The following B4GALNT3 variants were observed in gnomAD, a reference collection of about 807,000 sequenced individuals.
B4GALNT3 encodes the protein beta-1,4-N-acetylgalactosaminyltransferase 3.
Under a neutral mutation model 120.2 loss-of-function variants are expected in B4GALNT3, and 86 were observed. The ratio of observed to expected loss-of-function variants is 0.72; its 90% CI spans 0.60 to 0.86. B4GALNT3 has a LOEUF of 0.86. Among genes scored for constraint, B4GALNT3 ranks in the 40% least tolerant of loss-of-function variants. The pLI is 0.00. For synonymous variants in B4GALNT3, 518 were observed against 510.4 expected, an observed-to-expected ratio of 1.01 and a Z score of -0.20; for missense variants, 1,167 against 1,298.9, an observed-to-expected ratio of 0.90 and a Z score of 1.56.
intron 1 of B4GALNT3, among the ~76,000 whole-genome samples, chr12:532,253 C>T (rs1946815995): frequency 6.6e-6 from 1 of 152,352 alleles, no homozygotes; most frequent in South Asian, 2.1e-4. Context: ...CCTAGACTCA[C>T]CTGTTACCCA....
At chr12:552,229 G>T in intron 12 of B4GALNT3, 66 bp downstream of exon 12, 1 of 1,414,014 alleles carries the variant, frequency 7.1e-7, no homozygotes, top group Admixed American at 1.7e-5. Flanking sequence ...CAGGAGAGCT[G>T]CCTGGACCAG....
At chr12:461,646 G>A (rs1334512257) in intron 1 of B4GALNT3, among the ~76,000 whole-genome samples, 1 of 152,206 alleles carries the variant, frequency 6.6e-6, no homozygotes, top group Non-Finnish European at 1.5e-5. Flanking sequence ...AAGCAGCTGA[G>A]AAGATACTCT....
At chr12:546,591 G>A (rs1316208521) in intron 6 of B4GALNT3, 55 bp from the exon 7 acceptor site, 12 of 1,486,418 alleles carry the variant, frequency 8.1e-6, no homozygotes, top group South Asian at 1.2e-5. Context: ...TCACCGCCTC[G>A]CGTGCTTCCT....
At chr12:543,870 G>A (rs1946954166) in intron 3 of B4GALNT3, among the ~76,000 whole-genome samples, 1 of 127,436 alleles carries the variant, frequency 7.8e-6, no homozygotes, top group Non-Finnish European at 1.7e-5. Flanking sequence ...GAGCTGGGGC[G>A]GGCATGGGGT....
At position 559,368 on chromosome 12, in the gene B4GALNT3, C is replaced by G; in HGVS notation, c.2835C>G (p.Asn945Lys). Residue 945 changes from asparagine to lysine, a missense_variant, in exon 19 of 20, where the codon AAC becomes AAG. By Grantham distance (94) the Asn-to-Lys change is moderately conservative. This residue lies in a region of B4GALNT3 where 983 missense variants were observed against 1,102.5 expected (regional missense o/e 0.89). Transcript: ENST00000266383. Reference sequence around the variant, plus strand: ...ACCTGGACAGGATTGGGGGCATGAACACCAAGGAGTTCCGAGACCGCTGGG... The same window carrying G: ...ACCTGGACAGGATTGGGGGCATGAAGACCAAGGAGTTCCGAGACCGCTGGG... The part of the protein sequence containing the change: ...KSDLDRIGGM[N>K]TKEFRDRWGG... 1 of 1,614,066 alleles carries G rather than the reference C, an allele frequency of 6.2e-7. No individual in the cohort carries two copies. Among genetic ancestry groups the G allele is most frequent in the South Asian group, 1.1e-5 (1 of 91,078 alleles).
intron 1 of B4GALNT3, among the ~76,000 whole-genome samples, chr12:480,431 G>GAAGGCT (rs71293142): frequency 6.8e-6 from 1 of 148,016 alleles, no homozygotes. Context: ...AGGCTTGACG[G>GAAGGCT]TGTGGTTCCT....
At chr12:551,090 C>A in intron 11 of B4GALNT3, 59 bp downstream of exon 11, 1 of 1,416,364 alleles carries the variant, frequency 7.1e-7, no homozygotes, top group Non-Finnish European at 9.9e-7. Context: ...CTGCCTGTGA[C>A]TGGGATGGGA....
intron 3 of B4GALNT3, among the ~76,000 whole-genome samples, 191 bp downstream of exon 3, chr12:536,486 T>C (rs143758988): frequency 6.6e-6 from 1 of 152,192 alleles, no homozygotes; most frequent in Non-Finnish European, 1.5e-5. Flanking sequence ...ATTAAAAAAA[T>C]TTTTAAATTA....
intron 1 of B4GALNT3, among the ~76,000 whole-genome samples, chr12:497,771 T>C (rs548794790): frequency 2.6e-5 from 4 of 152,200 alleles, no homozygotes; most frequent in East Asian, 3.9e-4. Context: ...AGTCAGGAGG[T>C]AGTCATTTTG....
chr12:503,926 C>T (rs1021857898), intron 1 of B4GALNT3, among the ~76,000 whole-genome samples: 5 of 152,052 alleles, frequency 3.3e-5, no homozygotes, highest in Non-Finnish European at 7.4e-5. Context: ...ACCAGCCTGA[C>T]CAACATGGTG....
Position 527,100 on chromosome 12 carries a change from G to T in B4GALNT3, c.170-8066G>T, listed in dbSNP as rs114503980. ...CTAGTTTTTTGTTTTGTTTTGTTTTGTTTTTTTTAAAGAAACGAGGTTTCA... is the reference window on the plus strand; with the variant it reads ...CTAGTTTTTTGTTTTGTTTTGTTTTTTTTTTTTTAAAGAAACGAGGTTTCA... On this transcript the variant is annotated intron_variant, in intron 1 of 19. Coordinates refer to ENST00000266383, the MANE Select transcript of B4GALNT3 (RefSeq NM_173593.4). 1.0e-2 allele frequency among the ~76,000 whole-genome samples: 1,514 copies of T among 151,708 alleles called. 28 individuals are homozygous for T. The highest frequency in any genetic ancestry group is 0.034 in the African/African-American group (1,395 of 41,342).
intron 1 of B4GALNT3, among the ~76,000 whole-genome samples, chr12:528,047 T>C (rs796743220): frequency 3.3e-5 from 5 of 151,940 alleles, no homozygotes; most frequent in African/African-American, 1.2e-4. Flanking sequence ...ATGGCAATAG[T>C]GGAGGCAGAC....
chr12:545,729 G>A (rs1456538897), intron 6 of B4GALNT3, among the ~76,000 whole-genome samples: 1 of 143,950 alleles, frequency 6.9e-6, no homozygotes, highest in Non-Finnish European at 1.5e-5. Context: ...CGAGGTGTGG[G>A]GAGGAGCGAG....
At chr12:554,136 GC>G in intron 14 of B4GALNT3, 153 bp downstream of exon 14, 1 of 172,416 alleles carries the variant, frequency 5.8e-6, no homozygotes, top group Non-Finnish European at 1.2e-5. Context: ...AAGGACAAGT[GC>G]CCGGGGCCCC....
intron 1 of B4GALNT3, among the ~76,000 whole-genome samples, chr12:487,825 A>G (rs215232): frequency 0.43 from 65,586 of 151,620 alleles, 14,676 homozygotes; most frequent in Admixed American, 0.59. Context: ...AGGCATGGTG[A>G]CATGCGCCCA....
intron 1 of B4GALNT3, among the ~76,000 whole-genome samples, chr12:489,948 A>G (rs895948994): frequency 5.9e-5 from 9 of 152,270 alleles, no homozygotes; most frequent in Admixed American, 6.5e-5. Flanking sequence ...CTAAAAATCA[A>G]TAACAGAAAG....
intron 1 of B4GALNT3, among the ~76,000 whole-genome samples, chr12:515,549 C>T (rs1460400877): frequency 6.6e-6 from 1 of 152,132 alleles, no homozygotes; most frequent in Non-Finnish European, 1.5e-5. Context: ...ATGTTTAAGA[C>T]ACTGCCTGGC....
chr12:517,264 A>G (rs1946666127), intron 1 of B4GALNT3, among the ~76,000 whole-genome samples: 1 of 152,240 alleles, frequency 6.6e-6, no homozygotes, highest in South Asian at 2.1e-4. Context: ...AAGGTAAGCA[A>G]TCCAGTGTTT....
intron 1 of B4GALNT3, among the ~76,000 whole-genome samples, chr12:524,650 AAAAAG>A (rs372251522): frequency 0.14 from 21,480 of 150,222 alleles, 2,092 homozygotes; most frequent in Admixed American, 0.3. Flanking sequence ...AAAAAAAAAA[AAAAAG>A]AAAAAAGAAA....
Sources: gnomAD v4.1 joint callset for allele counts (sites outside exome capture counted in the v4.1 genomes callset) on GRCh38, gnomAD v4.1.1 for gene constraint, gnomAD v4.1.1 regional missense constraint, MANE v1.5 for transcripts, NCBI Gene and HGNC (gene_info 2026-07-23, HGNC 2026-07-21) for gene names.